RDX: variants seen among roughly 807,000 people sequenced by gnomAD.
The protein encoded by RDX is deafness, autosomal recessive 24.
In RDX, 32 loss-of-function variants were observed where a neutral mutation model predicts 83.7. That is an observed-to-expected ratio of 0.38 (90% confidence interval 0.29 to 0.51). RDX has a LOEUF of 0.51. RDX is among the 20% of genes least tolerant of loss of function. The probability of loss-of-function intolerance (pLI) is 0.87; values close to 1 mark genes in which losing one functional copy is unlikely to be tolerated. For synonymous variants in RDX, 229 were observed against 222.7 expected, an observed-to-expected ratio of 1.03 and a Z score of -0.25; for missense variants, 600 against 689.9, an observed-to-expected ratio of 0.87 and a Z score of 1.46.
In RDX at chr11:110,268,329, G is replaced by T. The variant is rs1349611044; in HGVS notation, c.97-3455C>A. On this transcript the variant is annotated intron_variant, in intron 3 of 13. Transcript: ENST00000645495. ...GTTTCGGGGAAAAAAAAAAAAAAAA[G>T]CAAAAAGTGAGAAATTTCTAGAAGA... Among the ~76,000 whole-genome samples, 75 of 145,640 alleles carry T rather than the reference G, an allele frequency of 5.1e-4. 2 individuals are homozygous for T. The highest frequency in any genetic ancestry group is 2.1e-4 in the Admixed American group (3 of 14,608).
intron 5 of RDX, among the ~76,000 whole-genome samples, chr11:110,261,056 C>A (rs2134372620): frequency 6.6e-6 from 1 of 152,246 alleles, no homozygotes; most frequent in South Asian, 2.1e-4. Context: ...AGGTTGATCT[C>A]TTTCATTCTC....
chr11:110,223,017 G>T (rs1864305114), intron 14 of RDX, among the ~76,000 whole-genome samples: 1 of 152,092 alleles, frequency 6.6e-6, no homozygotes, highest in South Asian at 2.1e-4. Context: ...TACATACAAT[G>T]AACGATTATA....
chr11:110,263,935 T>C (rs759068850), intron 5 of RDX, 25 bp downstream of exon 5: 2 of 1,599,626 alleles, frequency 1.3e-6, no homozygotes, highest in Non-Finnish European at 1.7e-6. Flanking sequence ...TCAGACAATA[T>C]AATGCAAACG....
intron 2 of RDX, among the ~76,000 whole-genome samples, chr11:110,273,417 T>C (rs931365494): frequency 3.3e-5 from 5 of 152,240 alleles, no homozygotes; most frequent in Non-Finnish European, 7.3e-5. Context: ...TTGTTGTTTT[T>C]AGAGACAGGG....
intron 14 of RDX, among the ~76,000 whole-genome samples, chr11:110,206,242 G>GTGA (rs1863597704): frequency 7.8e-6 from 1 of 128,228 alleles, no homozygotes; most frequent in African/African-American, 3.1e-5. Context: ...GGACGACAGA[G>GTGA]TGAGAGTCCA....
intron 15 of RDX, among the ~76,000 whole-genome samples, chr11:110,181,509 G>GGCCCCTTCCCAGTATCTTCCACT (rs558148374): frequency 9.0e-4 from 137 of 152,342 alleles, no homozygotes; most frequent in African/African-American, 3.2e-3. Flanking sequence ...ATGTGAGGTT[G>GGCCCCTTCCCAGTATCTTCCACT]GCCCCTTCCC....
At chr11:110,266,738 T>A (rs555510273) in intron 3 of RDX, among the ~76,000 whole-genome samples, 2 of 152,064 alleles carry the variant, frequency 1.3e-5, no homozygotes, top group South Asian at 2.1e-4. Flanking sequence ...TAGTTAATGT[T>A]TTTTTTTGTT....
chr11:110,176,080 CTTTT>C (rs367710666), intron 15 of RDX, among the ~76,000 whole-genome samples: 1 of 138,486 alleles, frequency 7.2e-6, no homozygotes, highest in Non-Finnish European at 1.6e-5. Context: ...TTTTCTTTTT[CTTTT>C]TTTCTTTTTT....
intron 14 of RDX, among the ~76,000 whole-genome samples, chr11:110,207,175 C>T (rs1422658652): frequency 1.3e-5 from 2 of 151,996 alleles, no homozygotes; most frequent in Admixed American, 6.6e-5. Flanking sequence ...TGTTTCACCA[C>T]GTTAGCCAGG....
chr11:110,185,780 G>T (rs1261487835), intron 15 of RDX, among the ~76,000 whole-genome samples: 4 of 152,190 alleles, frequency 2.6e-5, no homozygotes, highest in South Asian at 2.1e-4. Flanking sequence ...TGGGAGCCTG[G>T]CCTCTGTGAA....
At chr11:110,190,880 GATTGAATCAGGAAGAA>G (rs1159826403) in intron 15 of RDX, among the ~76,000 whole-genome samples, 1 of 152,150 alleles carries the variant, frequency 6.6e-6, no homozygotes, top group East Asian at 1.9e-4. Flanking sequence ...AACCTCCCAA[GATTGAATCAGGAAGAA>G]ATCGAAACTC....
At chr11:110,239,844 A>T (rs1422803592) in intron 10 of RDX, among the ~76,000 whole-genome samples, 18 of 151,086 alleles carry the variant, frequency 1.2e-4, no homozygotes, top group African/African-American at 1.9e-4. Flanking sequence ...CTGTTTTTAA[A>T]AAAAAAAAAA....
intron 2 of RDX, among the ~76,000 whole-genome samples, chr11:110,277,080 C>T (rs1377716195): frequency 6.6e-6 from 1 of 152,180 alleles, no homozygotes; most frequent in Non-Finnish European, 1.5e-5. Flanking sequence ...AGTGTTTTCT[C>T]CACAAGGCAA....
chr11:110,254,291 C>T lies in RDX; in HGVS notation c.796-182G>A, dbSNP rs560787862. Among the ~76,000 whole-genome samples the T allele has an allele frequency of 4.6e-5, 7 of 152,220 alleles. No homozygotes were observed. The South Asian group carries it at 1.5e-3, about 32-fold the overall frequency. On this transcript the variant is annotated intron_variant, in intron 8 of 13. Transcript: ENST00000645495. The stretch of plus-strand genomic sequence containing the variant: ...TGACATACTTTCACATAACTGGTTC[C>T]TCACCTTTTCATATCCAACCAGTTT...
chr11:110,226,357 G>A (rs890464059), downstream of RDX, among the ~76,000 whole-genome samples: 1 of 152,166 alleles, frequency 6.6e-6, no homozygotes, highest in African/African-American at 2.4e-5. Context: ...AACATGCTAA[G>A]TGAAATAAAC....
At position 110,231,717 on chromosome 11, in the gene RDX, A is replaced by C; in HGVS notation, c.*152T>G. ...TGATATCATACTGCCTTAATGTTGA[A>C]GAGCTCCCCTTAAATTTGTCTTTTA... On this transcript the variant is annotated 3_prime_UTR_variant, in exon 14 of 14. Transcript: ENST00000645495. 1.2e-6 allele frequency: 1 copy of C among 812,380 alleles called. No homozygotes were observed. The highest frequency in any genetic ancestry group is 1.7e-5 in the African/African-American group (1 of 59,870). 50.3% of individuals were successfully genotyped at this position (812,380 alleles called of 1,614,324 possible).
chr11:110,272,944 G>A (rs145449695), intron 2 of RDX: 1 of 462,620 alleles, frequency 2.2e-6, no homozygotes, highest in African/African-American at 2.0e-5. Flanking sequence ...GGCAGAGCAA[G>A]AGCTGGACAT....
chr11:110,276,164 A>T (rs914491162), intron 2 of RDX, among the ~76,000 whole-genome samples: 1 of 152,212 alleles, frequency 6.6e-6, no homozygotes, highest in South Asian at 2.1e-4. Context: ...TTTGATTTTC[A>T]CAATTTTCAA....
chr11:110,179,905 T>TC (rs1450032923), intron 15 of RDX: 1 of 293,624 alleles, frequency 3.4e-6, no homozygotes, highest in African/African-American at 2.5e-5. Context: ...TCTTTTTTCT[T>TC]TTTTTTTTTT....
Sources: gnomAD v4.1 joint callset for allele counts (sites outside exome capture counted in the v4.1 genomes callset) on GRCh38, gnomAD v4.1.1 for gene constraint, MANE v1.5 for transcripts, NCBI Gene and HGNC (gene_info 2026-07-23, HGNC 2026-07-21) for gene names.